Variants in GPC5 observed in about 807,000 individuals in gnomAD.
GPC5 encodes glypican 5, also known as glypican-5.
GPC5 carries 47 observed loss-of-function variants against 53.9 expected under a neutral mutation model. The observed-to-expected ratio is 0.87, with a 90% CI of 0.69 to 1.11. The LOEUF (loss-of-function observed/expected upper bound fraction) is 1.11, where lower values mean the gene tolerates loss of function less well. Ranked by LOEUF, GPC5 falls within the 50% of genes most tolerant of loss-of-function variation. The pLI, the probability that GPC5 is intolerant of heterozygous loss-of-function variation, is 0.00. For synonymous variants in GPC5, 286 were observed against 263.3 expected (o/e 1.09, Z -0.84); for missense variants, 748 against 713.1 (o/e 1.05, Z -0.56).
At chr13:91,786,825 C>G (rs2037886896) in intron 5 of GPC5, among the ~76,000 whole-genome samples, 1 of 152,026 alleles carries the variant, frequency 6.6e-6, no homozygotes, top group Non-Finnish European at 1.5e-5. Context: ...TTGTATCTTT[C>G]AATCTATAAA....
chr13:91,681,278 G>A (rs545591299), intron 2 of GPC5, among the ~76,000 whole-genome samples: 1 of 152,256 alleles, frequency 6.6e-6, no homozygotes, highest in East Asian at 1.9e-4. Context: ...ATGAGTGAAA[G>A]AAACAAAATT....
At chr13:91,645,103 C>T (rs1293687177) in intron 2 of GPC5, among the ~76,000 whole-genome samples, 2 of 152,096 alleles carry the variant, frequency 1.3e-5, no homozygotes, top group Non-Finnish European at 2.9e-5. Flanking sequence ...ATGACCTTGC[C>T]CTGGGATAGA....
At chr13:92,538,382 C>T (rs1292515518) in intron 7 of GPC5, among the ~76,000 whole-genome samples, 1 of 151,300 alleles carries the variant, frequency 6.6e-6, no homozygotes, top group African/African-American at 2.4e-5. Context: ...CTTTCCCTCT[C>T]TCTTGCTTCA....
chr13:92,670,124 A>G (rs1886698145), intron 7 of GPC5, among the ~76,000 whole-genome samples: 1 of 152,174 alleles, frequency 6.6e-6, no homozygotes, highest in Admixed American at 6.6e-5. Context: ...AGCTTTATAA[A>G]GAAATGAATT....
chr13:91,785,837 T>C (rs936836390), intron 5 of GPC5, among the ~76,000 whole-genome samples: 1 of 152,182 alleles, frequency 6.6e-6, no homozygotes, highest in African/African-American at 2.4e-5. Context: ...TGATACACTA[T>C]CATCTCCCTC....
intron 6 of GPC5, among the ~76,000 whole-genome samples, chr13:91,981,847 G>A (rs1422282128): frequency 1.3e-5 from 2 of 152,086 alleles, no homozygotes; most frequent in Non-Finnish European, 2.9e-5. Flanking sequence ...TCCATGAATT[G>A]TGCCAGATGC....
Position 92,539,669 on chromosome 13 carries a change from A to G in GPC5, c.1562-326613A>G, listed in dbSNP as rs550393555. On this transcript the variant is annotated intron_variant, in intron 7 of 7. Coordinates refer to ENST00000377067, the MANE Select transcript of GPC5 (RefSeq NM_004466.6). ...TTTCTTTCTGTCTCTCTTTCTTTCC[A>G]TCCTTCCCTTTCCAACCTTCCCCTT... Among the ~76,000 whole-genome samples, 255 of 151,578 alleles carry G rather than the reference A, an allele frequency of 1.7e-3. 1 individual carries two copies. Among genetic ancestry groups the G allele is most frequent in the African/African-American group, 6.0e-3 (250 of 41,340 alleles).
chr13:92,351,004 A>C (rs190667898), intron 7 of GPC5, among the ~76,000 whole-genome samples: 35 of 152,212 alleles, frequency 2.3e-4, no homozygotes, highest in Non-Finnish European at 4.3e-4. Flanking sequence ...AGACTATTTC[A>C]GTATAAAGTC....
Position 91,504,603 on chromosome 13 carries a change from G to A in GPC5, c.325+55681G>A, listed in dbSNP as rs185965211. Among the ~76,000 whole-genome samples the A allele has an allele frequency of 5.3e-5, 8 of 152,172 alleles. No homozygotes were observed. In the East Asian group the frequency reaches 7.7e-4, roughly 15 times the overall value. ...ATGCAGAGTGGTGGAAAATAAATAC[G>A]TAACCTTAGGAATTAATATAACCTT... On this transcript the variant is annotated intron_variant, in intron 2 of 7. Transcript: ENST00000377067.
At chr13:92,007,225 A>C (rs1018218447) in intron 6 of GPC5, among the ~76,000 whole-genome samples, 1 of 152,172 alleles carries the variant, frequency 6.6e-6, no homozygotes, top group Non-Finnish European at 1.5e-5. Flanking sequence ...GCCAGCATAC[A>C]TATTTTAAAA....
At chr13:92,124,580 G>T (rs1413289502) in intron 6 of GPC5, among the ~76,000 whole-genome samples, 1 of 152,136 alleles carries the variant, frequency 6.6e-6, no homozygotes, top group African/African-American at 2.4e-5. Flanking sequence ...ATGGCTCATG[G>T]ATAAAAATAG....
intron 7 of GPC5, among the ~76,000 whole-genome samples, chr13:92,381,775 A>G (rs1025489143): frequency 1.5e-5 from 2 of 136,402 alleles, no homozygotes; most frequent in Admixed American, 7.5e-5. Flanking sequence ...CAATGAGTGG[A>G]TAAATAAACT....
At chr13:92,503,340 T>C (rs1416062839) in intron 7 of GPC5, among the ~76,000 whole-genome samples, 1 of 151,748 alleles carries the variant, frequency 6.6e-6, no homozygotes, top group Non-Finnish European at 1.5e-5. Flanking sequence ...GAATACATAC[T>C]GAACTGAGGA....
intron 3 of GPC5, among the ~76,000 whole-genome samples, chr13:91,722,854 C>T (rs1054473551): frequency 6.6e-6 from 1 of 152,152 alleles, no homozygotes; most frequent in Non-Finnish European, 1.5e-5. Flanking sequence ...TCTTACTTAA[C>T]CTTAACATTA....
intron 3 of GPC5, among the ~76,000 whole-genome samples, chr13:91,709,606 T>A (rs163932): frequency 0.15 from 23,323 of 152,264 alleles, 2,337 homozygotes; most frequent in African/African-American, 0.27. Context: ...TCTGTAGAAA[T>A]GGTTGGGTAA....
At chr13:92,548,591 G>A (rs1453204136) in intron 7 of GPC5, among the ~76,000 whole-genome samples, 1 of 152,014 alleles carries the variant, frequency 6.6e-6, no homozygotes, top group Non-Finnish European at 1.5e-5. Flanking sequence ...GAAATAGTAT[G>A]AGTAAAATGT....
intron 7 of GPC5, among the ~76,000 whole-genome samples, chr13:92,669,234 A>G (rs187600738): frequency 1.2e-4 from 18 of 152,230 alleles, no homozygotes; most frequent in African/African-American, 4.1e-4. Flanking sequence ...ATGTTCCTCC[A>G]GAACATTCTG....
At chr13:92,838,490 A>ACCCC (rs1566439756) in intron 7 of GPC5, among the ~76,000 whole-genome samples, 12 of 148,598 alleles carry the variant, frequency 8.1e-5, no homozygotes, top group African/African-American at 3.0e-4. Context: ...GCCCCCCCCA[A>ACCCC]AAAAAAAAAG....
At chr13:92,362,502 T>C (rs1014083235) in intron 7 of GPC5, among the ~76,000 whole-genome samples, 2 of 151,856 alleles carry the variant, frequency 1.3e-5, no homozygotes, top group Non-Finnish European at 2.9e-5. Context: ...GATTTTGTTC[T>C]ATGACGAAAG....
Sources: gnomAD v4.1 joint callset for allele counts (sites outside exome capture counted in the v4.1 genomes callset) on GRCh38, gnomAD v4.1.1 for gene constraint, MANE v1.5 for transcripts, NCBI Gene and HGNC (gene_info 2026-07-23, HGNC 2026-07-21) for gene names.